FUCA2: variants seen among roughly 807,000 people sequenced by gnomAD.
FUCA2 encodes plasma alpha-L-fucosidase.
In FUCA2, 41 loss-of-function variants were observed where a neutral mutation model predicts 52.6. That is an observed-to-expected ratio of 0.78 (90% CI 0.61 to 1.01). The LOEUF (loss-of-function observed/expected upper bound fraction) is 1.01. Among genes scored for constraint, FUCA2 ranks in the 50% least tolerant of loss-of-function variants. FUCA2 has a pLI of 0.00. For synonymous variants in FUCA2, 211 were observed against 217.3 expected, an observed-to-expected ratio of 0.97 and a Z score of 0.26; for missense variants, 507 against 569.5, an observed-to-expected ratio of 0.89 and a Z score of 1.12.
chr6:143,505,845 A>G (rs1019632236), intron 2 of FUCA2: 1 of 152,214 alleles, frequency 6.6e-6, no homozygotes, highest in African/African-American at 2.4e-5. Flanking sequence ...TTCCATGAGC[A>G]ATGAAAACAT....
At position 143,495,987 on chromosome 6, in the gene FUCA2, A is replaced by G. The variant is rs1287903240; in HGVS notation, c.1264-140T>C. On this transcript the variant is annotated intron_variant, in intron 6 of 6. Transcript: ENST00000002165. The surrounding 1 kb of genome is among the most constrained non-coding windows in gnomAD (Gnocchi z 5.2). ...TTTTACCTTTATTTAGTGATTCACA[A>G]TCACTCTTCATCCAATTGAGTGTAT... The G allele has an allele frequency of 1.5e-5, 11 of 750,464 alleles. No individual in the cohort carries two copies. The highest frequency in any genetic ancestry group is 2.2e-5 in the Non-Finnish European group (10 of 464,244). 46.5% of individuals were successfully genotyped at this position (750,464 alleles called of 1,614,324 possible). A position where few individuals can be genotyped will look rare whatever the true frequency, so the allele number is the denominator to read the frequency against.
Position 143,503,856 on chromosome 6 carries a change from G to T in FUCA2, c.752+57C>A. Reference sequence around the variant, plus strand: ...TTTCAAGAGGTGAAGGAATTAAAATGTTAGAAATATATTAGGAATATGGAG... The same window carrying T: ...TTTCAAGAGGTGAAGGAATTAAAATTTTAGAAATATATTAGGAATATGGAG... On this transcript the variant is annotated intron_variant, in intron 3 of 6. Transcript: ENST00000002165. This position sits in a 1 kb window ranked among gnomAD's most constrained non-coding sequence, Gnocchi z 4.8. 2 of 1,321,126 alleles carry T rather than the reference G, an allele frequency of 1.5e-6. No homozygotes were observed. The highest frequency in any genetic ancestry group is 2.1e-6 in the Non-Finnish European group (2 of 957,478). The allele number at this position is 1,321,126 out of a possible 1,614,324, so 81.8% of individuals were successfully genotyped here.
At chr6:143,498,859 A>G (rs994692286) in intron 5 of FUCA2, among the ~76,000 whole-genome samples, 2 of 152,182 alleles carry the variant, frequency 1.3e-5, no homozygotes, top group African/African-American at 4.8e-5. Context: ...GGGCGAGACA[A>G]TGGAAACTAA....
At position 143,495,730 on chromosome 6, in the gene FUCA2, G is replaced by A. The variant is rs779526135; in HGVS notation, c.1381C>T (p.Leu461=). 15 of 1,613,888 alleles carry A rather than the reference G, an allele frequency of 9.3e-6. No homozygotes were observed. The highest frequency in any genetic ancestry group is 1.6e-4 in the Middle Eastern group (1 of 6,076). ...CTTTAGATCACATTAGTCAGGGCTA[G>A]AGCCCAGCCCCATTTACACGGCATC... ...HQMPCKWGWA[L]ALTNVI The change falls in exon 7 of 7, where the codon CTA becomes TTA. Residue 461 remains leucine, a synonymous_variant. Transcript: ENST00000002165. This position sits in a 1 kb window ranked among gnomAD's most constrained non-coding sequence, Gnocchi z 5.2.
chr6:143,508,405 G>T (rs1196866567), intron 1 of FUCA2, among the ~76,000 whole-genome samples: 1 of 148,290 alleles, frequency 6.7e-6, no homozygotes, highest in African/African-American at 2.6e-5. Context: ...ATTTCTACAG[G>T]ATAAGCAAAT....
rs149583156 is a variant in FUCA2, at chr6:143,507,387, C to T, written c.262G>A (p.Glu88Lys). 9.4e-6 allele frequency: 15 copies of T among 1,603,086 alleles called. No individual in the cohort carries two copies. The highest frequency in any genetic ancestry group is 1.1e-5 in the Non-Finnish European group (13 of 1,177,392). ...WQKEKIPKYV[E>K]FMKDNYPPSF... is the part of the protein sequence containing the mutation. ...GGAGGGTAATTATCTTTCATAAATT[C>T]CACATACTTCGGTATCTTTTCCTTT... The change falls in exon 2 of 7, where the codon GAA (glutamate) becomes AAA (lysine). Residue 88 changes from glutamate to lysine, a missense_variant. Coordinates refer to ENST00000002165, the MANE Select transcript of FUCA2 (RefSeq NM_032020.5). The surrounding 1 kb of genome is among the most constrained non-coding windows in gnomAD (Gnocchi z 4.5).
intron 2 of FUCA2, chr6:143,505,045 T>A (rs1000766449): frequency 1.3e-5 from 2 of 152,186 alleles, no homozygotes; most frequent in African/African-American, 2.4e-5. Context: ...TTAGAAGTGG[T>A]TCGTTTTTAA....
chr6:143,502,096 T>C lies in FUCA2; in HGVS notation c.990A>G (p.Gly330=). Residue 330 remains glycine (G), a synonymous_variant, in exon 5 of 7, where the codon GGA becomes GGG. Transcript: ENST00000002165. The surrounding 1 kb of genome is among the most constrained non-coding windows in gnomAD (Gnocchi z 4.1). The part of the protein sequence containing the change: ...VKQLVETVSC[G]GNLLMNIGPT... ...GCCCAATATTCATCAAAAGATTTCC[T>C]CCACATGAAACTGTCTCTACAAGTT... 6.2e-7 allele frequency: 1 copy of C among 1,610,798 alleles called. No individual in the cohort carries two copies. The highest frequency in any genetic ancestry group is 8.5e-7 in the Non-Finnish European group (1 of 1,178,668).
Position 143,507,200 on chromosome 6 carries a change from C to G in FUCA2, c.412+37G>C. 1 of 1,528,556 alleles carries G rather than the reference C, an allele frequency of 6.5e-7. No individual in the cohort carries two copies. Among genetic ancestry groups the G allele is most frequent in the Non-Finnish European group, 8.8e-7 (1 of 1,137,696 alleles). The allele number at this position is 1,528,556 out of a possible 1,614,324, so 94.7% of individuals were successfully genotyped here. On this transcript the variant is annotated intron_variant, in intron 2 of 6. Transcript: ENST00000002165. The surrounding 1 kb of genome is among the most constrained non-coding windows in gnomAD (Gnocchi z 4.5). ...AAAAGAACAACTTTTCATTTCTTAA[C>G]CATTGTCAGCAATTTCCATAGGCTG...
In FUCA2 at chr6:143,507,811, A is replaced by G. The variant is rs549283741; in HGVS notation, c.225-387T>C. 2.5e-4 allele frequency among the ~76,000 whole-genome samples: 38 copies of G among 151,840 alleles called. No individual in the cohort carries two copies. The East Asian group carries it at 6.8e-3, about 27-fold the overall frequency. On this transcript the variant is annotated intron_variant, in intron 1 of 6. Coordinates refer to ENST00000002165, the MANE Select transcript of FUCA2 (RefSeq NM_032020.5). The surrounding 1 kb of genome is among the most constrained non-coding windows in gnomAD (Gnocchi z 4.5). ...TAGCCTCCTGAGTAGCTAGGACCAC[A>G]GGCACGTGCCACCACACCTGGCTAT...
Position 143,511,499 on chromosome 6 carries a change from G to A in FUCA2, c.136C>T (p.Leu46=). 1 of 1,601,778 alleles carries A rather than the reference G, an allele frequency of 6.2e-7. No individual in the cohort carries two copies. The highest frequency in any genetic ancestry group is 8.5e-7 in the Non-Finnish European group (1 of 1,174,404). The change falls in exon 1 of 7, where the codon CTG becomes TTG. Residue 46 remains leucine (L), a synonymous_variant. Transcript: ENST00000002165. The surrounding 1 kb of genome is among the most constrained non-coding windows in gnomAD (Gnocchi z 6.3). ...TTGGCCTGGTCAAACCACGCGGGCA[G>A]CTGGCGGGCGTCCAGGGACTCCCAG... ...PTWESLDARQ[L]PAWFDQAKFG...
In FUCA2 at chr6:143,510,638, CAAAAAAA is replaced by C. The variant is rs57091762; in HGVS notation, c.224+766_224+772del. 1.3e-5 allele frequency among the ~76,000 whole-genome samples: 1 copy of C among 77,086 alleles called. No homozygotes were observed. Among genetic ancestry groups the C allele is most frequent in the South Asian group, 4.1e-4 (1 of 2,448 alleles). The allele number at this position is 77,086 out of a possible 152,430, so 50.6% of individuals were successfully genotyped here. ...TGGGTGACAGAATGAGACTATGTCT[CAAAAAAA>C]AAAAAAAAAGAATATATTATGTGTA... On this transcript the variant is annotated intron_variant, in intron 1 of 6. Coordinates refer to ENST00000002165, the MANE Select transcript of FUCA2 (RefSeq NM_032020.5). The surrounding 1 kb of genome is among the most constrained non-coding windows in gnomAD (Gnocchi z 4.4).
At position 143,494,826 on chromosome 6, in the gene FUCA2, G is replaced by C. The variant is rs1225967451; in HGVS notation, c.*881C>G. The stretch of plus-strand genomic sequence containing the variant: ...AAATATTTTTGTACATTTGCACAAT[G>C]AGTTTATGTTTTAAGCTAAGTGTTA... On this transcript the variant is annotated 3_prime_UTR_variant, in exon 7 of 7. Coordinates refer to ENST00000002165, the MANE Select transcript of FUCA2 (RefSeq NM_032020.5). The surrounding 1 kb of genome is among the most constrained non-coding windows in gnomAD (Gnocchi z 6.6). The C allele has an allele frequency of 6.6e-6, 1 of 152,192 alleles. No homozygotes were observed. Among genetic ancestry groups the C allele is most frequent in the Non-Finnish European group, 1.5e-5 (1 of 68,020 alleles). The allele number at this position is 152,192 out of a possible 1,614,324, so 9.4% of individuals were successfully genotyped here.
chr6:143,508,975 G>A (rs1780647371), intron 1 of FUCA2, among the ~76,000 whole-genome samples: 1 of 152,086 alleles, frequency 6.6e-6, no homozygotes, highest in Non-Finnish European at 1.5e-5. Flanking sequence ...CCACAGCCTT[G>A]AACTCCTGGG....
At position 143,511,411 on chromosome 6, in the gene FUCA2, C is replaced by T. The variant is rs780896097; in HGVS notation, c.224G>A (p.Trp75Ter). Residue 75 changes from tryptophan (W) to a stop codon, truncating the protein, a stop_gained and splice_region_variant, in exon 1 of 7, where the codon TGG (tryptophan) becomes TAG (stop). Transcript: ENST00000002165. LOFTEE classifies it high-confidence loss of function. This position sits in a 1 kb window ranked among gnomAD's most constrained non-coding sequence, Gnocchi z 6.3. ...ACGAGACAAAAGGGAGCGCACTCAC[C>T]AGAACCACTCGCTACCGAAGCTGGG... ...SVPSFGSEWF[W>*]WYWQKEKIPK... The T allele has an allele frequency of 1.2e-6, 2 of 1,609,750 alleles. No homozygotes were observed. Among genetic ancestry groups the T allele is most frequent in the South Asian group, 2.2e-5 (2 of 90,454 alleles).
rs1780549958 is a variant in FUCA2 at position 143,502,893 on chromosome 6, T to C, written c.753-328A>G. 1 of 192,934 alleles carries C rather than the reference T, an allele frequency of 5.2e-6. No homozygotes were observed. 12.0% of individuals were successfully genotyped at this position (192,934 alleles called of 1,614,324 possible). On this transcript the variant is annotated intron_variant, in intron 3 of 6. Coordinates refer to ENST00000002165, the MANE Select transcript of FUCA2 (RefSeq NM_032020.5). This position sits in a 1 kb window ranked among gnomAD's most constrained non-coding sequence, Gnocchi z 4.1. ...CACTCATAAGAGTATTATATGAATA[T>C]TTTAAGCTCCCTTCCATATTGTAAA...
rs1780685969 is a variant in FUCA2, at chr6:143,511,601, G to A, written c.34C>T (p.Pro12Ser). The A allele has an allele frequency of 1.3e-6, 2 of 1,548,976 alleles. No homozygotes were observed. Among genetic ancestry groups the A allele is most frequent in the Non-Finnish European group, 1.7e-6 (2 of 1,146,612 alleles). ...RPQELPRLAF[P>S]LLLLLLLLLP... ...AGCAGCAACAGCAACAGCAGCAACG[G>A]GAACGCGAGCCTGGGGAGCTCCTGG... Residue 12 changes from proline to serine, a missense_variant, in exon 1 of 7, where the codon CCG (proline) becomes TCG (serine). Coordinates refer to ENST00000002165, the MANE Select transcript of FUCA2 (RefSeq NM_032020.5). The surrounding 1 kb of genome is among the most constrained non-coding windows in gnomAD (Gnocchi z 6.3).
In FUCA2 at chr6:143,510,832, A is replaced by G. The variant is rs1441377725; in HGVS notation, c.224+579T>C. On this transcript the variant is annotated intron_variant, in intron 1 of 6. Transcript: ENST00000002165. The surrounding 1 kb of genome is among the most constrained non-coding windows in gnomAD (Gnocchi z 4.4). ...CACAGATTTTTGTGTAGCACCTTTC[A>G]TACGGCAGTATGATAACTGGGTTGT... Among the ~76,000 whole-genome samples the G allele has an allele frequency of 6.6e-6, 1 of 151,828 alleles. No individual in the cohort carries two copies. Among genetic ancestry groups the G allele is most frequent in the Admixed American group, 6.6e-5 (1 of 15,094 alleles).
intron 6 of FUCA2, chr6:143,496,777 C>T (rs181491251): frequency 4.3e-4 from 66 of 152,098 alleles, no homozygotes; most frequent in African/African-American, 1.5e-3. Flanking sequence ...GGAAAGCATC[C>T]GAATTCTAGT....
Sources: allele counts gnomAD v4.1 joint callset (sites outside exome capture counted in the v4.1 genomes callset), GRCh38; gene constraint gnomAD v4.1.1; non-coding constraint Gnocchi (gnomAD v3.1); transcripts MANE v1.5; gene names NCBI Gene and HGNC (gene_info 2026-07-23, HGNC 2026-07-21).